MRM1: variants seen among roughly 807,000 people sequenced by gnomAD.
The protein encoded by MRM1 is rRNA methyltransferase 1, mitochondrial.
MRM1 carries 24 observed loss-of-function variants against 25.0 expected under a neutral mutation model. The observed-to-expected ratio is 0.96, with a 90% CI of 0.69 to 1.35. The LOEUF (loss-of-function observed/expected upper bound fraction) is 1.35, where lower values mean the gene tolerates loss of function less well. Among genes scored for constraint, MRM1 ranks in the 40% most tolerant of loss-of-function variants. The pLI is 0.00. For missense variants in MRM1, 431 were observed against 464.1 expected (o/e 0.93, Z 0.65); for synonymous variants, 188 against 199.2 (o/e 0.94, Z 0.47).
At position 36,602,219 on chromosome 17, in the gene MRM1, G is replaced by A. The variant is rs2074881198; in HGVS notation, c.409G>A (p.Ala137Thr). The change falls in exon 1 of 5, where the codon GCG becomes ACG. Residue 137 changes from alanine to threonine, a missense_variant. Physicochemically the swap from Ala to Thr is moderately conservative, Grantham distance 58. Transcript: ENST00000614766. This position sits in a 1 kb window ranked among gnomAD's most constrained non-coding sequence, Gnocchi z 4.1. The part of the protein sequence containing the change: ...RPRPWREAGE[A>T]SPGDDPQQLW... ...CCGGCCTTGGAGAGAGGCCGGGGAGGCGAGCCCAGGCGACGACCCCCAGCA... is the reference window on the plus strand; with the variant it reads ...CCGGCCTTGGAGAGAGGCCGGGGAGACGAGCCCAGGCGACGACCCCCAGCA... 1 of 1,610,510 alleles carries A rather than the reference G, an allele frequency of 6.2e-7. No homozygotes were observed. Among genetic ancestry groups the A allele is most frequent in the Non-Finnish European group, 8.5e-7 (1 of 1,177,950 alleles).
the MRM1 span, among the ~76,000 whole-genome samples, chr17:36,627,960 G>A: frequency 6.6e-6 from 1 of 152,170 alleles, no homozygotes; most frequent in African/African-American, 2.4e-5. Flanking sequence ...ACAGGTGTGA[G>A]CCACTGCGCC....
chr17:36,627,841 T>C, the MRM1 span, among the ~76,000 whole-genome samples: 1 of 151,904 alleles, frequency 6.6e-6, no homozygotes, highest in Non-Finnish European at 1.5e-5. Context: ...GCCCAGCTGA[T>C]TTTTTTGTAT....
the MRM1 span, among the ~76,000 whole-genome samples, chr17:36,625,462 CTTTT>C: frequency 2.0e-5 from 2 of 102,002 alleles, no homozygotes; most frequent in Non-Finnish European, 3.6e-5. Flanking sequence ...CCTCCTCCTC[CTTTT>C]TTTTTTTTTT....
At chr17:36,629,588 C>T in the MRM1 span, among the ~76,000 whole-genome samples, 188 of 152,302 alleles carry the variant, frequency 1.2e-3, 1 homozygote, top group Middle Eastern at 3.4e-3. Context: ...CAAGGGGCGC[C>T]GGAGATGTCA....
chr17:36,605,393 C>CA (rs1401243733), intron 2 of MRM1, among the ~76,000 whole-genome samples: 1 of 150,526 alleles, frequency 6.6e-6, no homozygotes, highest in Non-Finnish European at 1.5e-5. Context: ...AGGCTGGTCT[C>CA]AAACTCCTGG....
chr17:36,629,975 G>A, the MRM1 span, among the ~76,000 whole-genome samples: 2 of 152,238 alleles, frequency 1.3e-5, no homozygotes, highest in African/African-American at 2.4e-5. Flanking sequence ...TGAAGGATCA[G>A]CTTTGCTTGG....
At chr17:36,627,595 T>C in the MRM1 span, among the ~76,000 whole-genome samples, 1 of 152,038 alleles carries the variant, frequency 6.6e-6, no homozygotes, top group Non-Finnish European at 1.5e-5. Flanking sequence ...CCTTCTTGCC[T>C]TCTGCCTCCT....
intron 2 of MRM1, chr17:36,603,289 G>T: frequency 1.1e-6 from 1 of 912,812 alleles, no homozygotes; most frequent in Non-Finnish European, 1.3e-6. Flanking sequence ...AACATAGGTA[G>T]TTTTAGCTTT....
rs923401801 is a variant in MRM1 at position 36,601,754 on chromosome 17, G to A, written c.-57G>A. On this transcript the variant is annotated 5_prime_UTR_variant, in exon 1 of 5. Coordinates refer to ENST00000614766, the MANE Select transcript of MRM1 (RefSeq NM_024864.5). Reference sequence around the variant, plus strand: ...GAGCCTGGGAGCGAACTGCGGCGCGGGTTACCGCTCCCGGGGACGCAGCAA... The same window carrying A: ...GAGCCTGGGAGCGAACTGCGGCGCGAGTTACCGCTCCCGGGGACGCAGCAA... 3.4e-6 allele frequency: 5 copies of A among 1,492,050 alleles called. No homozygotes were observed. The African/African-American group carries it at 7.0e-5, about 21-fold the overall frequency. The allele number at this position is 1,492,050 out of a possible 1,614,324, so 92.4% of individuals were successfully genotyped here. A position where few individuals can be genotyped will look rare whatever the true frequency, so the allele number is the denominator to read the frequency against.
At chr17:36,626,759 A>G in the MRM1 span, among the ~76,000 whole-genome samples, 1 of 152,204 alleles carries the variant, frequency 6.6e-6, no homozygotes, top group African/African-American at 2.4e-5. Flanking sequence ...GGACAGACTA[A>G]GGCTTAGAGC....
At chr17:36,616,363 G>T in the MRM1 span, among the ~76,000 whole-genome samples, 2 of 152,236 alleles carry the variant, frequency 1.3e-5, no homozygotes, top group South Asian at 4.1e-4. Context: ...CCCAGCCACA[G>T]CTGGTCTTGC....
chr17:36,605,136 A>G (rs1423035300), intron 2 of MRM1, among the ~76,000 whole-genome samples: 2 of 146,024 alleles, frequency 1.4e-5, no homozygotes, highest in Admixed American at 6.8e-5. Context: ...GTGAAACTCT[A>G]TCTCAAAAAA....
In MRM1 at chr17:36,608,022, A is replaced by G. The variant is rs1249948614; in HGVS notation, c.889+4A>G. 1.2e-6 allele frequency: 2 copies of G among 1,613,770 alleles called. No individual in the cohort carries two copies. The highest frequency in any genetic ancestry group is 1.7e-6 in the Non-Finnish European group (2 of 1,179,900). On this transcript the variant is annotated splice_donor_region_variant and intron_variant, in intron 4 of 4. Coordinates refer to ENST00000614766, the MANE Select transcript of MRM1 (RefSeq NM_024864.5). ...TTGAACGTCTCTGTGGCTGCAGGTG[A>G]GTCTACTCCCCTTTCCCTTTCCTCT... is the stretch of plus-strand genomic sequence containing the variant.
chr17:36,621,319 A>T, the MRM1 span, among the ~76,000 whole-genome samples: 228 of 151,836 alleles, frequency 1.5e-3, 3 homozygotes, highest in East Asian at 0.038. Context: ...GGGAGTGCAG[A>T]CTCCGCATCT....
chr17:36,609,165 G>C (rs2074958674), downstream of MRM1, among the ~76,000 whole-genome samples: 1 of 152,224 alleles, frequency 6.6e-6, no homozygotes, highest in African/African-American at 2.4e-5. Flanking sequence ...GGAGGAACTG[G>C]GAGCAGGCTT....
At chr17:36,629,074 T>G in the MRM1 span, among the ~76,000 whole-genome samples, 1 of 152,168 alleles carries the variant, frequency 6.6e-6, no homozygotes, top group Non-Finnish European at 1.5e-5. Context: ...TTGAGGCTCT[T>G]GTTTAAGATT....
In MRM1 at chr17:36,606,374, G is replaced by A. The variant is rs373337920; in HGVS notation, c.637-1296G>A. On this transcript the variant is annotated intron_variant, in intron 2 of 4. Coordinates refer to ENST00000614766, the MANE Select transcript of MRM1 (RefSeq NM_024864.5). The stretch of plus-strand genomic sequence containing the variant: ...GATCAGCAGATAAATGAATGTATGG[G>A]CAAGGCTGGGCTCTTCCTTGGCCAG... Among the ~76,000 whole-genome samples the A allele has an allele frequency of 2.8e-4, 43 of 151,614 alleles. No individual in the cohort carries two copies. The East Asian group carries it at 6.4e-3, about 23-fold the overall frequency.
Position 36,608,537 on chromosome 17 carries a change from T to C in MRM1, c.*122T>C. The C allele has an allele frequency of 9.5e-6, 3 of 315,080 alleles. No homozygotes were observed. The highest frequency in any genetic ancestry group is 4.9e-5 in the Admixed American group (1 of 20,378). 19.5% of individuals were successfully genotyped at this position (315,080 alleles called of 1,614,324 possible). A position where few individuals can be genotyped will look rare whatever the true frequency, so the allele number is the denominator to read the frequency against. ...CCAGGCCCATGTTTATTGACCACAGTCTGGGGGGGGGGGAAGGGGACTGCG... is the reference window on the plus strand; with the variant it reads ...CCAGGCCCATGTTTATTGACCACAGCCTGGGGGGGGGGGAAGGGGACTGCG... On this transcript the variant is annotated 3_prime_UTR_variant, in exon 5 of 5. Transcript: ENST00000614766.
chr17:36,621,777 G>GC, the MRM1 span, among the ~76,000 whole-genome samples: 3 of 152,066 alleles, frequency 2.0e-5, no homozygotes, highest in Non-Finnish European at 4.4e-5. Flanking sequence ...GGGGCCCCCA[G>GC]CCCCCCTTGG....
Sources: gnomAD v4.1 joint callset for allele counts (sites outside exome capture counted in the v4.1 genomes callset) on GRCh38, gnomAD v4.1.1 for gene constraint, Gnocchi (gnomAD v3.1) non-coding constraint, MANE v1.5 for transcripts, NCBI Gene and HGNC (gene_info 2026-07-23, HGNC 2026-07-21) for gene names.